Variants in PSMD14 observed in about 807,000 individuals in gnomAD.
PSMD14 encodes proteasome 26S subunit, non-ATPase 14.
A neutral mutation model predicts 41.2 loss-of-function variants in PSMD14; 7 were observed. The observed-to-expected ratio is 0.17, with a 90% CI of 0.10 to 0.32. PSMD14 has a LOEUF of 0.32. Ranked by LOEUF, PSMD14 falls within the 10% of genes least tolerant of loss-of-function variation. The pLI is 1.00. For synonymous variants in PSMD14, 114 were observed against 122.3 expected, an observed-to-expected ratio of 0.93 and a Z score of 0.45; for missense variants, 139 against 375.6, an observed-to-expected ratio of 0.37 and a Z score of 5.21.
intron 3 of PSMD14, among the ~76,000 whole-genome samples, chr2:161,352,167 T>C (rs1380209567): frequency 6.6e-6 from 1 of 152,206 alleles, no homozygotes; most frequent in East Asian, 1.9e-4. Context: ...CTCACAATAA[T>C]GAAATCCTTG....
chr2:161,324,466 T>A lies in PSMD14; in HGVS notation c.48+5593T>A, dbSNP rs570963094. Among the ~76,000 whole-genome samples, 68 of 152,264 alleles carry A rather than the reference T, an allele frequency of 4.5e-4. 1 individual carries two copies. Among genetic ancestry groups the A allele is most frequent in the African/African-American group, 1.6e-3 (66 of 41,570 alleles). On this transcript the variant is annotated intron_variant, in intron 3 of 11. Transcript: ENST00000409682. ...TGTTTGAGCTGAGTTTTGAAATATG[T>A]GTCAAGGCATATTCAAAAGGCTAGA... is the stretch of plus-strand genomic sequence containing the variant.
intron 3 of PSMD14, among the ~76,000 whole-genome samples, chr2:161,357,940 AG>A (rs1184158295): frequency 2.0e-5 from 3 of 151,862 alleles, no homozygotes; most frequent in Non-Finnish European, 2.9e-5. Flanking sequence ...AGTTGTTATA[AG>A]GTCAACAAAG....
chr2:161,375,953 C>G (rs1165373975), intron 7 of PSMD14, among the ~76,000 whole-genome samples: 1 of 151,520 alleles, frequency 6.6e-6, no homozygotes, highest in Admixed American at 6.6e-5. Flanking sequence ...AAGGTCGTGT[C>G]TTTTCTTTCA....
rs988647193 is a variant in PSMD14 at position 161,386,561 on chromosome 2, GA to G, written c.570+1001del. 1.0e-3 allele frequency among the ~76,000 whole-genome samples: 144 copies of G among 144,538 alleles called. 1 individual carries two copies. The highest frequency in any genetic ancestry group is 2.5e-3 in the African/African-American group (100 of 39,622). 94.8% of individuals were successfully genotyped at this position (144,538 alleles called of 152,430 possible). ...TTAAAGGATTGAGGTGTGTTGATTT[GA>G]AAAAAAAAAATGCAAGTCAAGGAAA... On this transcript the variant is annotated intron_variant, in intron 8 of 11. Transcript: ENST00000409682.
At chr2:161,387,216 A>G (rs1260945600) in intron 8 of PSMD14, among the ~76,000 whole-genome samples, 1 of 151,868 alleles carries the variant, frequency 6.6e-6, no homozygotes, top group Non-Finnish European at 1.5e-5. Context: ...GACCAAGCCA[A>G]CAAGTGACAG....
intron 1 of PSMD14, among the ~76,000 whole-genome samples, chr2:161,313,339 T>C (rs1031117726): frequency 1.4e-5 from 2 of 147,124 alleles, no homozygotes; most frequent in Admixed American, 1.4e-4. Flanking sequence ...AATTTTTATT[T>C]TAATTAATTA....
intron 10 of PSMD14, among the ~76,000 whole-genome samples, chr2:161,400,309 T>C (rs1038520876): frequency 6.6e-6 from 1 of 152,130 alleles, no homozygotes; most frequent in Non-Finnish European, 1.5e-5. Flanking sequence ...GCTTCAGCCA[T>C]CTCATCTGGG....
intron 3 of PSMD14, 118 bp downstream of exon 3, chr2:161,318,991 G>T (rs753110096): frequency 4.3e-5 from 29 of 675,492 alleles, no homozygotes; most frequent in Non-Finnish European, 6.1e-5. Flanking sequence ...TCTATGGTAA[G>T]AATCTTACCT....
rs547854488 is a variant in PSMD14, at chr2:161,352,543, A to G, written c.49-14935A>G. Among the ~76,000 whole-genome samples the G allele has an allele frequency of 3.3e-5, 5 of 152,272 alleles. No homozygotes were observed. The South Asian group carries it at 6.2e-4, about 19-fold the overall frequency. ...ATATACTGTGTATTTTCTGTCTCCT[A>G]TATTACATTTTAAGGACTAGGACCA... On this transcript the variant is annotated intron_variant, in intron 3 of 11. Transcript: ENST00000409682.
In PSMD14 at chr2:161,309,507, CA is replaced by C. The variant is rs374636143; in HGVS notation, c.-138+904del. Among the ~76,000 whole-genome samples the C allele has an allele frequency of 2.1e-4, 32 of 152,240 alleles. 2 individuals carry two copies. In the South Asian group the frequency reaches 6.6e-3, roughly 32 times the overall value. ...TCTGACTTAATGTGTTTGAGAAAAG[CA>C]GCAAGACATGCACTGATACTGTAGA... On this transcript the variant is annotated intron_variant, in intron 1 of 11. Coordinates refer to ENST00000409682, the MANE Select transcript of PSMD14 (RefSeq NM_005805.6).
At position 161,316,426 on chromosome 2, in the gene PSMD14, A is replaced by C. The variant is rs1689149036; in HGVS notation, c.-137-11A>C. 2.0e-5 allele frequency: 3 copies of C among 152,136 alleles called. No homozygotes were observed. The highest frequency in any genetic ancestry group is 4.4e-5 in the Non-Finnish European group (3 of 67,996). The allele number at this position is 152,136 out of a possible 1,614,324, so 9.4% of individuals were successfully genotyped here. ...AAAATAATTATATTTTATTTTGTTT[A>C]CTTTTTTTAGGAGAGAAAGAAAAAA... is the stretch of plus-strand genomic sequence containing the variant. On this transcript the variant is annotated splice_polypyrimidine_tract_variant and intron_variant, in intron 1 of 11. Coordinates refer to ENST00000409682, the MANE Select transcript of PSMD14 (RefSeq NM_005805.6).
intron 9 of PSMD14, among the ~76,000 whole-genome samples, chr2:161,393,644 A>G (rs1025389954): frequency 2.0e-5 from 3 of 152,116 alleles, no homozygotes; most frequent in Non-Finnish European, 2.9e-5. Flanking sequence ...TGGCTCAGGG[A>G]TCTCATTTAA....
chr2:161,331,617 T>C (rs1472988314), intron 3 of PSMD14, among the ~76,000 whole-genome samples: 1 of 152,176 alleles, frequency 6.6e-6, no homozygotes, highest in Non-Finnish European at 1.5e-5. Context: ...AGCTTTCAAC[T>C]TGAAATGGTA....
intron 10 of PSMD14, among the ~76,000 whole-genome samples, chr2:161,402,291 A>G (rs149420189): frequency 9.6e-4 from 147 of 152,344 alleles, no homozygotes; most frequent in African/African-American, 3.5e-3. Flanking sequence ...AAGACAACCT[A>G]CAAAGTGGGA....
At chr2:161,327,758 A>G (rs906394005) in intron 3 of PSMD14, among the ~76,000 whole-genome samples, 1 of 152,196 alleles carries the variant, frequency 6.6e-6, no homozygotes, top group Non-Finnish European at 1.5e-5. Flanking sequence ...AAGTAAGACA[A>G]AAAGATGACC....
chr2:161,353,757 G>C (rs1683152635), intron 3 of PSMD14, among the ~76,000 whole-genome samples: 1 of 152,024 alleles, frequency 6.6e-6, no homozygotes, highest in South Asian at 2.1e-4. Context: ...TTCAGGGCAG[G>C]GACTTTCCTA....
chr2:161,331,646 A>G (rs1682792633), intron 3 of PSMD14, among the ~76,000 whole-genome samples: 1 of 152,212 alleles, frequency 6.6e-6, no homozygotes, highest in African/African-American at 2.4e-5. Context: ...GTAGTAATAT[A>G]GGGAGACAGT....
intron 8 of PSMD14, among the ~76,000 whole-genome samples, chr2:161,389,889 G>GTTGTTGTTTTTTTTTTTTTT: frequency 6.0e-4 from 12 of 20,050 alleles, no homozygotes; most frequent in East Asian, 4.4e-3. Flanking sequence ...CTTTTTTGTT[G>GTTGTTGTTTTTTTTTTTTTT]TTTTTTTTTT....
chr2:161,398,525 A>G (rs1683833434), intron 10 of PSMD14, among the ~76,000 whole-genome samples: 1 of 151,908 alleles, frequency 6.6e-6, no homozygotes, highest in African/African-American at 2.4e-5. Flanking sequence ...ATTCATGCGG[A>G]GATGCATCTG....
Sources: gnomAD v4.1 joint callset for allele counts (sites outside exome capture counted in the v4.1 genomes callset) on GRCh38, gnomAD v4.1.1 for gene constraint, MANE v1.5 for transcripts, NCBI Gene and HGNC (gene_info 2026-07-23, HGNC 2026-07-21) for gene names.